The following E2F2 variants were observed in gnomAD, a reference collection of about 807,000 sequenced individuals.
E2F2 encodes the protein transcription factor E2F2.
In E2F2, 22 loss-of-function variants were observed where a neutral mutation model predicts 42.2. The ratio of observed to expected loss-of-function variants is 0.52; its 90% CI spans 0.37 to 0.74. E2F2 has a LOEUF of 0.74. Ranked by LOEUF, E2F2 falls within the 30% of genes least tolerant of loss-of-function variation. The probability of loss-of-function intolerance (pLI) is 0.00; values close to 1 mark genes in which losing one functional copy is unlikely to be tolerated. For synonymous variants in E2F2, 248 were observed against 251.6 expected (o/e 0.99, Z 0.13); for missense variants, 481 against 557.8 (o/e 0.86, Z 1.39).
At chr1:23,514,131 A>G (rs1417841217) in intron 6 of E2F2, among the ~76,000 whole-genome samples, 1 of 152,056 alleles carries the variant, frequency 6.6e-6, no homozygotes, top group Non-Finnish European at 1.5e-5. Flanking sequence ...CTTAAAAAAA[A>G]AAAAACAACT....
chr1:23,513,027 G>T (rs1642940763), intron 6 of E2F2, among the ~76,000 whole-genome samples: 1 of 151,924 alleles, frequency 6.6e-6, no homozygotes, highest in African/African-American at 2.4e-5. Context: ...TGGCCAGGCT[G>T]GTCTGGAACT....
At chr1:23,516,300 C>A (rs774680734) in intron 6 of E2F2, 35 bp downstream of exon 6, 49 of 1,445,864 alleles carry the variant, frequency 3.4e-5, no homozygotes, top group Non-Finnish European at 4.3e-5. Context: ...CCGGTCTCTC[C>A]CCCCACCTCC....
At chr1:23,511,628 C>T (rs760834268) in intron 6 of E2F2, among the ~76,000 whole-genome samples, 1 of 152,194 alleles carries the variant, frequency 6.6e-6, no homozygotes, top group Non-Finnish European at 1.5e-5. Flanking sequence ...TATCCTGATG[C>T]TCAGAATCCC....
chr1:23,516,637 C>A, intron 5 of E2F2, 110 bp from the exon 6 acceptor site: 1 of 871,460 alleles, frequency 1.1e-6, no homozygotes, highest in South Asian at 1.9e-5. Flanking sequence ...CAAGCTCAAA[C>A]CCTGGGCTGG....
chr1:23,509,883 A>G lies in E2F2; in HGVS notation c.1311T>C (p.Asn437=), dbSNP rs764107510. Residue 437 remains asparagine, a synonymous_variant, in exon 7 of 7, where the codon AAT becomes AAC. Coordinates refer to ENST00000361729, the MANE Select transcript of E2F2 (RefSeq NM_004091.4). ...TGCTGGGGGCAGGCAGGGCCACTCA[A>G]TTAATCAACAGGTCCCCAAGGTCGT... is the stretch of plus-strand genomic sequence containing the variant. ...DSYDLGDLLI[N] is the part of the protein sequence containing the mutation. 4 of 1,537,380 alleles carry G rather than the reference A, an allele frequency of 2.6e-6. No individual in the cohort carries two copies. The highest frequency in any genetic ancestry group is 1.4e-5 in the African/African-American group (1 of 72,854).
At chr1:23,524,920 T>C (rs1643225040) in intron 1 of E2F2, among the ~76,000 whole-genome samples, 1 of 152,188 alleles carries the variant, frequency 6.6e-6, no homozygotes, top group African/African-American at 2.4e-5. Context: ...CTGGCCCAGC[T>C]AGACTGAGTG....
At chr1:23,522,117 T>G in intron 2 of E2F2, 61 bp from the exon 3 acceptor site, 1 of 1,497,568 alleles carries the variant, frequency 6.7e-7, no homozygotes, top group African/African-American at 1.4e-5. Context: ...AGGACCCTCG[T>G]CCATTGACCT....
intron 6 of E2F2, among the ~76,000 whole-genome samples, chr1:23,514,732 G>A (rs974468910): frequency 6.0e-4 from 91 of 151,328 alleles, no homozygotes; most frequent in African/African-American, 2.2e-3. Context: ...AGCTACTTGG[G>A]AGGCTGAGGC....
intron 2 of E2F2, among the ~76,000 whole-genome samples, chr1:23,522,437 T>C (rs888611543): frequency 6.6e-6 from 1 of 152,160 alleles, no homozygotes; most frequent in Non-Finnish European, 1.5e-5. Context: ...TGTACAATCA[T>C]CCCCATTTTA....
intron 5 of E2F2, 81 bp downstream of exon 5, chr1:23,518,935 G>A (rs1643080625): frequency 2.7e-6 from 3 of 1,118,802 alleles, no homozygotes; most frequent in Non-Finnish European, 4.0e-6. Flanking sequence ...GGCAGTGCCA[G>A]GGACAGAGTC....
chr1:23,523,652 C>G (rs1291217164), intron 2 of E2F2, among the ~76,000 whole-genome samples: 1 of 152,096 alleles, frequency 6.6e-6, no homozygotes, highest in Admixed American at 6.5e-5. Flanking sequence ...CTGGTTAGCC[C>G]CTGCTCTTCT....
At position 23,516,431 on chromosome 1, in the gene E2F2, G is replaced by A; in HGVS notation, c.949C>T (p.Pro317Ser). The A allele has an allele frequency of 1.9e-6, 3 of 1,603,946 alleles. No individual in the cohort carries two copies. Among genetic ancestry groups the A allele is most frequent in the South Asian group, 1.1e-5 (1 of 89,472 alleles). The change falls in exon 6 of 7, where the codon CCT becomes TCT. Residue 317 changes from proline (P) to serine (S), a missense_variant. Physicochemically the swap from Pro to Ser is moderately conservative, Grantham distance 74. Transcript: ENST00000361729. The part of the protein sequence containing the change: ...VQEPDSPSEE[P>S]LPSTSTLCPS... ...CAGAGGGTGGAGGTAGAGGGGAGAGGCTCCTCGGAAGGACTGTCCGGCTCC... is the reference window on the plus strand; with the variant it reads ...CAGAGGGTGGAGGTAGAGGGGAGAGACTCCTCGGAAGGACTGTCCGGCTCC...
intron 1 of E2F2, among the ~76,000 whole-genome samples, chr1:23,526,565 C>T (rs976253147): frequency 1.3e-5 from 2 of 152,128 alleles, no homozygotes; most frequent in Non-Finnish European, 1.5e-5. Flanking sequence ...CCCAGGAAGA[C>T]CTTGAACAGA....
intron 4 of E2F2, among the ~76,000 whole-genome samples, chr1:23,520,687 G>A (rs530458835): frequency 1.3e-5 from 2 of 152,278 alleles, no homozygotes; most frequent in South Asian, 2.1e-4. Flanking sequence ...AGGCTATAGC[G>A]AGCTATGATC....
chr1:23,519,999 A>C (rs986499839), intron 4 of E2F2, among the ~76,000 whole-genome samples: 7 of 150,018 alleles, frequency 4.7e-5, no homozygotes, highest in African/African-American at 1.7e-4. Context: ...AATCGCTTGA[A>C]CCCAGGGGGC....
chr1:23,523,058 C>T (rs967934971), intron 2 of E2F2, among the ~76,000 whole-genome samples: 1 of 152,112 alleles, frequency 6.6e-6, no homozygotes, highest in African/African-American at 2.4e-5. Flanking sequence ...CTAAGGTTCA[C>T]AGGAGTGACC....
intron 2 of E2F2, among the ~76,000 whole-genome samples, chr1:23,522,295 T>C (rs531062025): frequency 5.3e-5 from 8 of 152,366 alleles, no homozygotes; most frequent in African/African-American, 1.9e-4. Flanking sequence ...CCTAGTGTCC[T>C]GACTCCTGGT....
Position 23,516,366 on chromosome 1 carries a change from G to A in E2F2, c.1014C>T (p.Asp338=), listed in dbSNP as rs374313756. The part of the protein sequence containing the change: ...PDSAQPSSST[D]PSIMEPTASS... The stretch of plus-strand genomic sequence containing the variant: ...ATGCTGTGGGCTCCATGATGCTAGG[G>A]TCGGTGCTGCTGCTGGGCTGGGCAG... Residue 338 remains aspartate, a synonymous_variant, in exon 6 of 7, where the codon GAC becomes GAT. Coordinates refer to ENST00000361729, the MANE Select transcript of E2F2 (RefSeq NM_004091.4). The A allele has an allele frequency of 1.6e-5, 26 of 1,579,232 alleles. No homozygotes were observed. The African/African-American group carries it at 3.4e-4, about 21-fold the overall frequency.
chr1:23,524,290 A>C, intron 2 of E2F2, 93 bp downstream of exon 2: 1 of 993,360 alleles, frequency 1.0e-6, no homozygotes, highest in Non-Finnish European at 1.4e-6. Flanking sequence ...GTAAACTGGA[A>C]AGTGATCCAA....
Sources: allele counts gnomAD v4.1 joint callset (sites outside exome capture counted in the v4.1 genomes callset), GRCh38; gene constraint gnomAD v4.1.1; transcripts MANE v1.5; gene names NCBI Gene and HGNC (gene_info 2026-07-23, HGNC 2026-07-21).